The following GDA variants were observed in gnomAD, a reference collection of about 807,000 sequenced individuals.
GDA encodes the protein cytoplasmic PSD-95 interactor.
In GDA, 18 loss-of-function variants were observed where a neutral mutation model predicts 59.6. That is an observed-to-expected ratio of 0.30 (90% CI 0.21 to 0.45). The LOEUF is 0.45. Among genes scored for constraint, GDA ranks in the 20% least tolerant of loss-of-function variants. The probability of loss-of-function intolerance (pLI) is 1.00; values close to 1 mark genes in which losing one functional copy is unlikely to be tolerated. For missense variants in GDA, 427 were observed against 552.3 expected (o/e 0.77, Z 2.27); for synonymous variants, 201 against 201.1 (o/e 1.00, Z 0.00).
At chr9:72,256,502 G>A (rs1404495962), downstream of GDA, among the ~76,000 whole-genome samples, 1 of 152,178 alleles carries the variant, frequency 6.6e-6, no homozygotes, top group East Asian at 1.9e-4. Context: ...GAATACATAG[G>A]GCTAAGTGTG....
chr9:72,255,155 G>A (rs190684524), downstream of GDA, among the ~76,000 whole-genome samples: 4 of 152,292 alleles, frequency 2.6e-5, no homozygotes, highest in East Asian at 7.7e-4. Flanking sequence ...AGCTAAAGTT[G>A]ACAACATATG....
At chr9:72,116,605 T>C (rs1365235395) in intron 1 of GDA, among the ~76,000 whole-genome samples, 2 of 152,012 alleles carry the variant, frequency 1.3e-5, no homozygotes, top group African/African-American at 2.4e-5. Context: ...CAGGATGGTC[T>C]CCATCTCTTG....
Position 72,250,589 on chromosome 9 carries a change from T to A in GDA, c.*2247T>A. 1.3e-6 allele frequency: 2 copies of A among 1,500,274 alleles called. No individual in the cohort carries two copies. Among genetic ancestry groups the A allele is most frequent in the Non-Finnish European group, 1.8e-6 (2 of 1,133,230 alleles). The allele number at this position is 1,500,274 out of a possible 1,614,324, so 92.9% of individuals were successfully genotyped here. On this transcript the variant is annotated 3_prime_UTR_variant, in exon 14 of 14. Transcript: ENST00000358399. ...GTTCCTGAATGTTATGTATGCTTTTTTTTCTGTACCACAGGCATTATCTAT... is the reference window on the plus strand; with the variant it reads ...GTTCCTGAATGTTATGTATGCTTTTATTTCTGTACCACAGGCATTATCTAT...
chr9:72,248,960 G>T lies in GDA; in HGVS notation c.*618G>T. 1 of 984,258 alleles carries T rather than the reference G, an allele frequency of 1.0e-6. No individual in the cohort carries two copies. The highest frequency in any genetic ancestry group is 1.2e-6 in the Non-Finnish European group (1 of 828,532). 61.0% of individuals were successfully genotyped at this position (984,258 alleles called of 1,614,324 possible). A position where few individuals can be genotyped will look rare whatever the true frequency, so the allele number is the denominator to read the frequency against. On this transcript the variant is annotated 3_prime_UTR_variant, in exon 14 of 14. Coordinates refer to ENST00000358399, the MANE Select transcript of GDA (RefSeq NM_004293.5). ...CAGAGATGTGTTAGTGTTGTGCTTT[G>T]CCTTCTTTGGCGATGAATGTCAGAA...
intron 2 of GDA, among the ~76,000 whole-genome samples, chr9:72,201,434 C>T (rs758727538): frequency 7.9e-5 from 12 of 152,100 alleles, no homozygotes; most frequent in South Asian, 2.1e-4. Context: ...CTTTTCCATG[C>T]GATGTAGAGG....
intron 1 of GDA, among the ~76,000 whole-genome samples, chr9:72,130,565 C>A (rs1393360606): frequency 6.6e-6 from 1 of 152,162 alleles, no homozygotes; most frequent in Non-Finnish European, 1.5e-5. Flanking sequence ...GTATTAGTGG[C>A]CAAACTCCAC....
intron 10 of GDA, among the ~76,000 whole-genome samples, chr9:72,239,320 A>T (rs1050898029): frequency 2.9e-4 from 44 of 152,210 alleles, no homozygotes; most frequent in African/African-American, 9.9e-4. Context: ...ATCATAAGGC[A>T]TCTCTCAATT....
downstream of GDA, among the ~76,000 whole-genome samples, chr9:72,259,302 C>T (rs1262304880): frequency 5.3e-5 from 8 of 152,158 alleles, no homozygotes; most frequent in Non-Finnish European, 2.9e-5. Context: ...GGATTACAGG[C>T]GTGAGCCACC....
rs565663364 is a variant in GDA, at chr9:72,200,312, T to G, written c.213-2259T>G. Among the ~76,000 whole-genome samples the G allele has an allele frequency of 4.7e-4, 71 of 152,228 alleles. 1 individual carries two copies. The South Asian group carries it at 0.013, about 29-fold the overall frequency. On this transcript the variant is annotated intron_variant, in intron 2 of 13. Coordinates refer to ENST00000358399, the MANE Select transcript of GDA (RefSeq NM_004293.5). ...TGCCCAGCCTCCTCTCCTTCTTTTC[T>G]TCTGCCTCTTCTCCCTTCTCCTTCT...
chr9:72,126,612 G>C (rs1168847740), intron 1 of GDA, among the ~76,000 whole-genome samples: 2 of 143,118 alleles, frequency 1.4e-5, no homozygotes, highest in African/African-American at 5.3e-5. Flanking sequence ...TGTCACCTAG[G>C]CTGGAGTGCA....
intron 11 of GDA, among the ~76,000 whole-genome samples, chr9:72,244,920 G>T (rs550039943): frequency 6.6e-6 from 1 of 152,162 alleles, no homozygotes; most frequent in Non-Finnish European, 1.5e-5. Flanking sequence ...CAGTAATGAA[G>T]GGAATTGTTT....
intron 1 of GDA, among the ~76,000 whole-genome samples, chr9:72,179,820 C>G (rs116011785): frequency 0.015 from 2,231 of 152,228 alleles, 54 homozygotes; most frequent in African/African-American, 0.052. Context: ...TGTCTTCCCT[C>G]TATGTCTCTT....
At chr9:72,200,327 C>T (rs1414629348) in intron 2 of GDA, among the ~76,000 whole-genome samples, 2 of 151,742 alleles carry the variant, frequency 1.3e-5, no homozygotes, top group African/African-American at 4.8e-5. Flanking sequence ...CCTCTTCTCC[C>T]TTCTCCTTCT....
At chr9:72,187,889 C>T (rs1244137936) in intron 1 of GDA, among the ~76,000 whole-genome samples, 1 of 152,160 alleles carries the variant, frequency 6.6e-6, no homozygotes, top group Admixed American at 6.5e-5. Flanking sequence ...GGGCAAAGGC[C>T]ATCCTTGTTA....
upstream of GDA, among the ~76,000 whole-genome samples, chr9:72,148,480 T>C (rs142891392): frequency 1.9e-3 from 289 of 152,254 alleles, no homozygotes; most frequent in Non-Finnish European, 3.3e-3. Flanking sequence ...TGCCACTTGG[T>C]GGTCAGGAAA....
At chr9:72,147,276 C>A (rs1393071053), upstream of GDA, among the ~76,000 whole-genome samples, 1 of 152,180 alleles carries the variant, frequency 6.6e-6, no homozygotes, top group Non-Finnish European at 1.5e-5. Flanking sequence ...GGCGTGATCT[C>A]AGCTCACTGC....
At chr9:72,243,437 T>C (rs1839832541) in intron 11 of GDA, among the ~76,000 whole-genome samples, 1 of 152,196 alleles carries the variant, frequency 6.6e-6, no homozygotes, top group Non-Finnish European at 1.5e-5. Context: ...CAGTCAGTAA[T>C]TCAGTTTAAT....
intron 1 of GDA, among the ~76,000 whole-genome samples, chr9:72,194,639 T>TC (rs549729223): frequency 6.6e-6 from 1 of 151,904 alleles, no homozygotes; most frequent in Non-Finnish European, 1.5e-5. Flanking sequence ...GAGGTTGTGT[T>TC]CCCCCCCTTC....
chr9:72,236,616 T>C (rs1389981692), intron 10 of GDA, among the ~76,000 whole-genome samples: 1 of 152,134 alleles, frequency 6.6e-6, no homozygotes, highest in African/African-American at 2.4e-5. Context: ...TACCCCGACG[T>C]GTGTTCTGTA....
Sources: allele counts gnomAD v4.1 joint callset (sites outside exome capture counted in the v4.1 genomes callset), GRCh38; gene constraint gnomAD v4.1.1; transcripts MANE v1.5; gene names NCBI Gene and HGNC (gene_info 2026-07-23, HGNC 2026-07-21).